The following CYTH4 variants were observed in gnomAD, a reference collection of about 807,000 sequenced individuals.
CYTH4 encodes the protein cytohesin 4, also known as cytohesin-4.
Under a neutral mutation model 57.5 loss-of-function variants are expected in CYTH4, and 22 were observed. That is an observed-to-expected ratio of 0.38 (90% CI 0.27 to 0.55). The LOEUF is 0.55. Among genes scored for constraint, CYTH4 ranks in the 20% least tolerant of loss-of-function variants. The pLI, the probability that CYTH4 is intolerant of heterozygous loss-of-function variation, is 0.74. For synonymous variants in CYTH4, 186 were observed against 206.5 expected (o/e 0.90, Z 0.85); for missense variants, 420 against 535.6 (o/e 0.78, Z 2.13).
intron 2 of CYTH4, 125 bp downstream of exon 2, chr22:37,292,828 C>A: frequency 1.1e-6 from 1 of 886,640 alleles, no homozygotes; most frequent in Non-Finnish European, 1.7e-6. Flanking sequence ...TCATATCAGC[C>A]TCGGCCCCAG....
chr22:37,296,404 T>C, intron 4 of CYTH4: 1 of 285,668 alleles, frequency 3.5e-6, no homozygotes, highest in Non-Finnish European at 6.7e-6. Context: ...GGGCTTAGGC[T>C]CCAGAAGCAT....
intron 1 of CYTH4, among the ~76,000 whole-genome samples, chr22:37,284,535 C>T (rs1928478992): frequency 6.6e-6 from 1 of 152,156 alleles, no homozygotes; most frequent in Non-Finnish European, 1.5e-5. Flanking sequence ...TTAAATGGGG[C>T]TTCTTCATGG....
intron 8 of CYTH4, among the ~76,000 whole-genome samples, chr22:37,306,376 T>G (rs1346328909): frequency 6.6e-6 from 1 of 152,222 alleles, no homozygotes; most frequent in East Asian, 1.9e-4. Flanking sequence ...GACTGTGGAT[T>G]GGACACAGTA....
chr22:37,311,150 C>A lies in CYTH4; in HGVS notation c.885+86C>A. On this transcript the variant is annotated intron_variant, in intron 10 of 12. Coordinates refer to ENST00000248901, the MANE Select transcript of CYTH4 (RefSeq NM_013385.5). This position sits in a 1 kb window ranked among gnomAD's most constrained non-coding sequence, Gnocchi z 4.4. ...CAACTCCCACTGAGCAGTCGACTCA[C>A]ACAGCTTTGGATCCTTTGAGATCAT... 7.0e-7 allele frequency: 1 copy of A among 1,428,234 alleles called. No individual in the cohort carries two copies. Among genetic ancestry groups the A allele is most frequent in the Non-Finnish European group, 9.8e-7 (1 of 1,015,366 alleles). The allele number at this position is 1,428,234 out of a possible 1,614,324, so 88.5% of individuals were successfully genotyped here. A position where few individuals can be genotyped will look rare whatever the true frequency, so the allele number is the denominator to read the frequency against.
intron 8 of CYTH4, chr22:37,304,094 T>C (rs1929304435): frequency 4.5e-6 from 2 of 444,584 alleles, no homozygotes; most frequent in Non-Finnish European, 4.6e-6. Context: ...ACTGCGGCTG[T>C]CATTGCTCTG....
rs1328766131 is a variant in CYTH4 at position 37,311,556 on chromosome 22, G to A, written c.957+29G>A. 2 of 1,609,888 alleles carry A rather than the reference G, an allele frequency of 1.2e-6. No individual in the cohort carries two copies. The highest frequency in any genetic ancestry group is 1.7e-6 in the Non-Finnish European group (2 of 1,176,782). On this transcript the variant is annotated intron_variant, in intron 11 of 12. Coordinates refer to ENST00000248901, the MANE Select transcript of CYTH4 (RefSeq NM_013385.5). The surrounding 1 kb of genome is among the most constrained non-coding windows in gnomAD (Gnocchi z 4.4). The stretch of plus-strand genomic sequence containing the variant: ...GGTGTTCAGGTTGCAGGATCCCGAG[G>A]CTGGAGCCACTGGGAAATTTCCTAA...
rs533120968 is a variant in CYTH4 at position 37,285,774 on chromosome 22, G to C, written c.19+3186G>C. On this transcript the variant is annotated intron_variant, in intron 1 of 12. Coordinates refer to ENST00000248901, the MANE Select transcript of CYTH4 (RefSeq NM_013385.5). ...AGCCTACACCGGTGCCTGAAACTCTGAAATGGGGAGGAATCTCCTCTTTTT... is the reference window on the plus strand; with the variant it reads ...AGCCTACACCGGTGCCTGAAACTCTCAAATGGGGAGGAATCTCCTCTTTTT... 4.3e-4 allele frequency among the ~76,000 whole-genome samples: 65 copies of C among 152,256 alleles called. No homozygotes were observed. The South Asian group carries it at 0.01, about 24-fold the overall frequency.
chr22:37,294,906 G>C (rs904258126), intron 3 of CYTH4, among the ~76,000 whole-genome samples, 182 bp downstream of exon 3: 1 of 152,170 alleles, frequency 6.6e-6, no homozygotes, highest in Admixed American at 6.5e-5. Flanking sequence ...CCCGGGTCTG[G>C]TCCCTGCTCC....
At chr22:37,294,814 C>A in intron 3 of CYTH4, 90 bp downstream of exon 3, 3 of 1,447,976 alleles carry the variant, frequency 2.1e-6, no homozygotes, top group Non-Finnish European at 2.9e-6. Context: ...CCACTCCCAG[C>A]CCCCTGGACC....
intron 6 of CYTH4, among the ~76,000 whole-genome samples, chr22:37,300,625 C>T (rs77231250): frequency 0.014 from 2,081 of 152,350 alleles, 46 homozygotes; most frequent in African/African-American, 0.048. Flanking sequence ...CGTCCCCCTT[C>T]CCAGCTGAGG....
chr22:37,289,280 C>T (rs193029369), intron 1 of CYTH4, among the ~76,000 whole-genome samples: 336 of 152,374 alleles, frequency 2.2e-3, no homozygotes, highest in Non-Finnish European at 4.1e-3. Context: ...CCATTCACCA[C>T]TGCCCATGAT....
intron 8 of CYTH4, chr22:37,304,239 C>T (rs779506052): frequency 2.2e-6 from 1 of 456,528 alleles, no homozygotes; most frequent in Non-Finnish European, 4.4e-6. Context: ...GTGGCCAGAA[C>T]GGAGGCGTGT....
At chr22:37,309,405 G>A (rs777531673) in intron 9 of CYTH4, 82 bp downstream of exon 9, 84 of 1,233,332 alleles carry the variant, frequency 6.8e-5, no homozygotes, top group Non-Finnish European at 8.5e-5. Context: ...ACTCCTGGAC[G>A]CACAGGCCCC....
Position 37,297,006 on chromosome 22 carries a change from T to C in CYTH4, c.235-558T>C, listed in dbSNP as rs1026864779. ...GATATTGTCAAATCCGAAAAACAGA[T>C]TTAAATGTGACAGGCATGGTCTGAG... On this transcript the variant is annotated intron_variant, in intron 4 of 12. Coordinates refer to ENST00000248901, the MANE Select transcript of CYTH4 (RefSeq NM_013385.5). Among the ~76,000 whole-genome samples, 7 of 152,220 alleles carry C rather than the reference T, an allele frequency of 4.6e-5. No homozygotes were observed. In the South Asian group the frequency reaches 1.2e-3, roughly 27 times the overall value.
chr22:37,283,828 C>T (rs1160409359), intron 1 of CYTH4, among the ~76,000 whole-genome samples: 1 of 152,036 alleles, frequency 6.6e-6, no homozygotes, highest in East Asian at 1.9e-4. Context: ...CAGGGAGACC[C>T]AGCGAAGGGC....
chr22:37,295,592 T>C lies in CYTH4; in HGVS notation c.168-407T>C, dbSNP rs1928930500. ...AGGTGGTGGTATCACCTCCATTTTA[T>C]AGATGAGGAACCTGAGGCCCAGAGA... On this transcript the variant is annotated intron_variant, in intron 3 of 12. Coordinates refer to ENST00000248901, the MANE Select transcript of CYTH4 (RefSeq NM_013385.5). The surrounding 1 kb of genome is among the most constrained non-coding windows in gnomAD (Gnocchi z 4.1). Among the ~76,000 whole-genome samples, 1 of 152,146 alleles carries C rather than the reference T, an allele frequency of 6.6e-6. No individual in the cohort carries two copies. Among genetic ancestry groups the C allele is most frequent in the African/African-American group, 2.4e-5 (1 of 41,432 alleles).
At chr22:37,304,872 G>C (rs1441816307) in intron 8 of CYTH4, among the ~76,000 whole-genome samples, 1 of 152,196 alleles carries the variant, frequency 6.6e-6, no homozygotes, top group Non-Finnish European at 1.5e-5. Flanking sequence ...GCCACAGGGA[G>C]TAACTGTTTT....
At chr22:37,284,021 G>T (rs1928462965) in intron 1 of CYTH4, among the ~76,000 whole-genome samples, 1 of 152,160 alleles carries the variant, frequency 6.6e-6, no homozygotes, top group Non-Finnish European at 1.5e-5. Flanking sequence ...GGCTCCCAGA[G>T]GTGAACTAGA....
intron 1 of CYTH4, among the ~76,000 whole-genome samples, 191 bp downstream of exon 1, chr22:37,282,779 C>T (rs1248650135): frequency 1.3e-5 from 2 of 152,222 alleles, no homozygotes; most frequent in African/African-American, 4.8e-5. Flanking sequence ...ACAGCAGTAG[C>T]AAAGCAGACG....
Sources: allele counts gnomAD v4.1 joint callset (sites outside exome capture counted in the v4.1 genomes callset), GRCh38; gene constraint gnomAD v4.1.1; non-coding constraint Gnocchi (gnomAD v3.1); transcripts MANE v1.5; gene names NCBI Gene and HGNC (gene_info 2026-07-23, HGNC 2026-07-21).